The following SLC9A1 variants were observed in gnomAD, a reference collection of about 807,000 sequenced individuals.
SLC9A1 encodes the protein sodium/hydrogen exchanger 1.
In SLC9A1, 22 loss-of-function variants were observed where a neutral mutation model predicts 67.9. That is an observed-to-expected ratio of 0.32 (90% CI 0.23 to 0.46). The LOEUF is 0.46. Among genes scored for constraint, SLC9A1 ranks in the 20% least tolerant of loss-of-function variants. SLC9A1 has a pLI of 1.00. For synonymous variants in SLC9A1, 421 were observed against 471.8 expected, an observed-to-expected ratio of 0.89 and a Z score of 1.40; for missense variants, 686 against 1,094.8, an observed-to-expected ratio of 0.63 and a Z score of 5.27.
Position 27,109,767 on chromosome 1 carries a change from T to A in SLC9A1, c.824A>T (p.His275Leu). Residue 275 changes from histidine to leucine, a missense_variant, in exon 3 of 12, where the codon CAC becomes CTC. Around this residue, in one of 7 missense-constraint regions of SLC9A1, gnomAD observed 13 missense variants for 56.6 expected, o/e 0.23. Coordinates refer to ENST00000263980, the MANE Select transcript of SLC9A1 (RefSeq NM_003047.5). The surrounding 1 kb of genome is among the most constrained non-coding windows in gnomAD (Gnocchi z 5.5). ...LNDAVTVVLY[H>L]LFEEFANYEH... The stretch of plus-strand genomic sequence containing the variant: ...GTAGTTGGCAAACTCCTCAAAGAGG[T>A]GATACAGGACCTGGGGAGGGTGTGC... 6.2e-7 allele frequency: 1 copy of A among 1,613,680 alleles called. No individual in the cohort carries two copies. Among genetic ancestry groups the A allele is most frequent in the Non-Finnish European group, 8.5e-7 (1 of 1,179,944 alleles).
At chr1:27,120,296 T>G (rs938251163) in intron 1 of SLC9A1, among the ~76,000 whole-genome samples, 4 of 151,854 alleles carry the variant, frequency 2.6e-5, no homozygotes, top group Non-Finnish European at 5.9e-5. Context: ...TGGCTAATTT[T>G]TGTATTTTTA....
At chr1:27,151,058 T>C (rs6696706) in intron 1 of SLC9A1, among the ~76,000 whole-genome samples, 47,167 of 152,000 alleles carry the variant, frequency 0.31, 7,717 homozygotes, top group Non-Finnish European at 0.36. Flanking sequence ...GCAGCTGGTG[T>C]CATCTTCCCT....
chr1:27,102,931 G>A (rs376180689), intron 6 of SLC9A1, 188 bp from the exon 7 acceptor site: 21 of 633,468 alleles, frequency 3.3e-5, no homozygotes, highest in African/African-American at 2.6e-4. Context: ...TGGGTATCTC[G>A]AAGCCTTGCC....
At chr1:27,107,625 C>A in intron 4 of SLC9A1, 23 bp downstream of exon 4, 2 of 1,534,308 alleles carry the variant, frequency 1.3e-6, no homozygotes, top group Non-Finnish European at 8.8e-7. Context: ...CAACCCCCAC[C>A]CCGCCCCAGC....
chr1:27,133,510 ACT>A (rs775153738), intron 1 of SLC9A1, among the ~76,000 whole-genome samples: 4 of 152,088 alleles, frequency 2.6e-5, no homozygotes, highest in Non-Finnish European at 5.9e-5. Flanking sequence ...ACTTCATCTG[ACT>A]AAGAGGTGAG....
chr1:27,125,247 T>C (rs1557747459), intron 1 of SLC9A1, among the ~76,000 whole-genome samples: 4 of 135,598 alleles, frequency 2.9e-5, no homozygotes, highest in Admixed American at 7.5e-5. Context: ...CTTTTTTTTT[T>C]TTTTTTTTTT....
In SLC9A1 at chr1:27,102,396, G is replaced by A. The variant is rs1030832203; in HGVS notation, c.1809C>T (p.Thr603=). 1.0e-5 allele frequency: 16 copies of A among 1,589,366 alleles called. No homozygotes were observed. The African/African-American group carries it at 1.3e-4, about 13-fold the overall frequency. The change falls in exon 8 of 12, where the codon ACC becomes ACT. Residue 603 remains threonine (T), a synonymous_variant. Coordinates refer to ENST00000263980, the MANE Select transcript of SLC9A1 (RefSeq NM_003047.5). ...GCCCCAGCACTCACTGCATGGAGACGGTGGAGACGGCAGAGGGGATCTTGC... is the reference window on the plus strand; with the variant it reads ...GCCCCAGCACTCACTGCATGGAGACAGTGGAGACGGCAGAGGGGATCTTGC... The part of the protein sequence containing the change: ...GMGKIPSAVS[T]VSMQNIHPKS...
intron 8 of SLC9A1, 79 bp downstream of exon 8, chr1:27,102,306 C>T: frequency 6.7e-7 from 1 of 1,487,456 alleles, no homozygotes; most frequent in South Asian, 1.3e-5. Flanking sequence ...AAGACCCCGC[C>T]CCCCAGGTGG....
intron 3 of SLC9A1, 130 bp from the exon 4 acceptor site, chr1:27,107,995 G>A (rs967762037): frequency 1.1e-4 from 70 of 663,308 alleles, no homozygotes; most frequent in South Asian, 1.0e-3. Context: ...CCAGGGGCCC[G>A]CTGTGTGCTT....
chr1:27,133,588 C>A (rs979078713), intron 1 of SLC9A1, among the ~76,000 whole-genome samples: 3 of 151,968 alleles, frequency 2.0e-5, no homozygotes, highest in Non-Finnish European at 4.4e-5. Context: ...GGAACTGAGG[C>A]CCAGGTTTAG....
At chr1:27,153,337 T>C (rs557850046) in intron 1 of SLC9A1, among the ~76,000 whole-genome samples, 100 of 152,298 alleles carry the variant, frequency 6.6e-4, no homozygotes, top group African/African-American at 2.3e-3. Flanking sequence ...CCACAGATTC[T>C]ATAAAGTATG....
At chr1:27,103,109 T>G in intron 6 of SLC9A1, 114 bp downstream of exon 6, 1 of 816,824 alleles carries the variant, frequency 1.2e-6, no homozygotes, top group Admixed American at 2.0e-5. Flanking sequence ...AGGGAGCCCC[T>G]GGGCACTGGC....
chr1:27,130,565 C>T (rs2083377866), intron 1 of SLC9A1, among the ~76,000 whole-genome samples: 1 of 152,202 alleles, frequency 6.6e-6, no homozygotes, highest in Non-Finnish European at 1.5e-5. Flanking sequence ...GGCCTCTGCT[C>T]AAAACCCATG....
chr1:27,102,061 C>T lies in SLC9A1; in HGVS notation c.1890G>A (p.Glu630=). 3 of 1,613,920 alleles carry T rather than the reference C, an allele frequency of 1.9e-6. No homozygotes were observed. Among genetic ancestry groups the T allele is most frequent in the Non-Finnish European group, 2.5e-6 (3 of 1,179,850 alleles). ...AGTTGTTCCTCAGGATTTTGCGGAT[C>T]TCCTCCTCCTTGTCCTTGGACAGTG... The part of the protein sequence containing the change: ...LPALSKDKEE[E]IRKILRNNLQ... The change falls in exon 9 of 12, where the codon GAG becomes GAA. Residue 630 remains glutamate, a synonymous_variant. Coordinates refer to ENST00000263980, the MANE Select transcript of SLC9A1 (RefSeq NM_003047.5).
intron 1 of SLC9A1, among the ~76,000 whole-genome samples, chr1:27,134,798 A>G (rs575288770): frequency 2.0e-5 from 3 of 152,338 alleles, no homozygotes; most frequent in African/African-American, 7.2e-5. Context: ...GTGCAGTGGT[A>G]CAATCTCGGC....
chr1:27,117,549 G>A (rs1191324540), intron 1 of SLC9A1, among the ~76,000 whole-genome samples: 1 of 152,144 alleles, frequency 6.6e-6, no homozygotes, highest in Non-Finnish European at 1.5e-5. Flanking sequence ...GAGAAGAGTT[G>A]GCCACAGCTC....
At chr1:27,115,857 G>A (rs2083269019) in intron 1 of SLC9A1, among the ~76,000 whole-genome samples, 2 of 152,158 alleles carry the variant, frequency 1.3e-5, no homozygotes, top group African/African-American at 4.8e-5. Context: ...GACACAAGAA[G>A]TGCTCAACAA....
Position 27,118,545 on chromosome 1 carries a change from CAGA to C in SLC9A1, c.353-4262_353-4260del, listed in dbSNP as rs749787324. 6.6e-6 allele frequency among the ~76,000 whole-genome samples: 1 copy of C among 152,136 alleles called. No individual in the cohort carries two copies. The highest frequency in any genetic ancestry group is 1.5e-5 in the Non-Finnish European group (1 of 68,010). On this transcript the variant is annotated intron_variant, in intron 1 of 11. Transcript: ENST00000263980. This position sits in a 1 kb window ranked among gnomAD's most constrained non-coding sequence, Gnocchi z 4.3. ...GACACCCGGTGTGGTGAAAGGGGCA[CAGA>C]AGGATGGCTGCGGCCCCTGGTACCC...
intron 5 of SLC9A1, among the ~76,000 whole-genome samples, chr1:27,105,132 C>T (rs1238709492): frequency 4.6e-5 from 7 of 152,196 alleles, no homozygotes; most frequent in Non-Finnish European, 1.0e-4. Context: ...CTCCAGGCCT[C>T]CTGCTGCCTG....
Sources: allele counts gnomAD v4.1 joint callset (sites outside exome capture counted in the v4.1 genomes callset), GRCh38; gene constraint gnomAD v4.1.1; regional missense constraint gnomAD v4.1.1; non-coding constraint Gnocchi (gnomAD v3.1); transcripts MANE v1.5; gene names NCBI Gene and HGNC (gene_info 2026-07-23, HGNC 2026-07-21).